The following ZNG1E variants were observed in gnomAD, a reference collection of about 807,000 sequenced individuals.
ZNG1E encodes the protein zinc-regulated GTPase metalloprotein activator 1E.
the ZNG1E span, among the ~76,000 whole-genome samples, chr9:65,714,512 T>A: frequency 6.6e-6 from 1 of 151,626 alleles, no homozygotes; most frequent in Non-Finnish European, 1.5e-5. Context: ...ATCTTTGCAG[T>A]TTTCATCTAC....
the ZNG1E span, among the ~76,000 whole-genome samples, chr9:65,680,546 T>G: frequency 2.0e-5 from 3 of 152,168 alleles, no homozygotes; most frequent in Admixed American, 1.3e-4. Flanking sequence ...TGTAGCAACC[T>G]CTTTAGAAGC....
At chr9:65,666,809 A>T in the ZNG1E span, among the ~76,000 whole-genome samples, 1 of 151,654 alleles carries the variant, frequency 6.6e-6, no homozygotes, top group African/African-American at 2.4e-5. Flanking sequence ...GCTTACTAAC[A>T]GTTTCTTTTT....
At chr9:65,727,769 T>TA in the ZNG1E span, among the ~76,000 whole-genome samples, 1 of 102,102 alleles carries the variant, frequency 9.8e-6, no homozygotes, top group Non-Finnish European at 1.9e-5. Context: ...CTAATAGACC[T>TA]AAAAAATTAG....
At chr9:65,662,909 GA>G in the ZNG1E span, among the ~76,000 whole-genome samples, 1 of 151,980 alleles carries the variant, frequency 6.6e-6, no homozygotes, top group Admixed American at 6.6e-5. Context: ...GATGTTATTT[GA>G]TGCAAACGTT....
At chr9:65,683,891 A>C in the ZNG1E span, among the ~76,000 whole-genome samples, 1 of 152,290 alleles carries the variant, frequency 6.6e-6, no homozygotes, top group East Asian at 1.9e-4. Flanking sequence ...GTTAAATATT[A>C]TTTGAATCTG....
At chr9:65,721,550 T>A in the ZNG1E span, among the ~76,000 whole-genome samples, 1 of 150,288 alleles carries the variant, frequency 6.7e-6, no homozygotes, top group South Asian at 2.1e-4. Context: ...CATCAACATT[T>A]AGCTGATTTT....
the ZNG1E span, among the ~76,000 whole-genome samples, chr9:65,684,744 C>T: frequency 1.3e-5 from 2 of 152,288 alleles, no homozygotes; most frequent in East Asian, 3.9e-4. Context: ...GGGGGTCAAG[C>T]AAGCTGTTTT....
At chr9:65,701,001 TC>T in the ZNG1E span, 1 of 128,350 alleles carries the variant, frequency 7.8e-6, no homozygotes, top group Non-Finnish European at 1.6e-5. Context: ...TGCTGACTGT[TC>T]TGGAGACTCC....
At chr9:65,659,287 G>C in the ZNG1E span, among the ~76,000 whole-genome samples, 2 of 151,148 alleles carry the variant, frequency 1.3e-5, no homozygotes, top group Admixed American at 6.6e-5. Flanking sequence ...ACCAGGTCAG[G>C]TGTTCAAGAC....
At chr9:65,684,469 G>A in the ZNG1E span, among the ~76,000 whole-genome samples, 33 of 152,314 alleles carry the variant, frequency 2.2e-4, no homozygotes, top group East Asian at 3.9e-4. Flanking sequence ...GCTGGGAGGC[G>A]GAGGTTGCGG....
chr9:65,711,204 G>T, the ZNG1E span, among the ~76,000 whole-genome samples: 1 of 100,372 alleles, frequency 1.0e-5, no homozygotes, highest in African/African-American at 4.0e-5. Flanking sequence ...CATTGATTTT[G>T]TATCCTGAGA....
At chr9:65,659,160 G>T in the ZNG1E span, among the ~76,000 whole-genome samples, 1 of 152,194 alleles carries the variant, frequency 6.6e-6, no homozygotes, top group African/African-American at 2.4e-5. Flanking sequence ...AGCAATTTGG[G>T]AGACTGGAAG....
the ZNG1E span, among the ~76,000 whole-genome samples, chr9:65,680,938 G>A: frequency 1.5e-3 from 234 of 152,206 alleles, no homozygotes; most frequent in African/African-American, 5.3e-3. Flanking sequence ...ACAGGTGCCC[G>A]CTACCACACC....
the ZNG1E span, among the ~76,000 whole-genome samples, chr9:65,709,359 A>AT: frequency 1.3e-5 from 2 of 150,136 alleles, no homozygotes; most frequent in Non-Finnish European, 2.9e-5. Context: ...TTATTTATTT[A>AT]TTATTATTAT....
the ZNG1E span, among the ~76,000 whole-genome samples, chr9:65,714,621 A>C: frequency 1.3e-5 from 2 of 152,104 alleles, no homozygotes; most frequent in East Asian, 3.8e-4. Context: ...CTTCAGCTGC[A>C]GGTCTGTTGG....
chr9:65,666,924 G>T, the ZNG1E span, among the ~76,000 whole-genome samples: 13 of 152,332 alleles, frequency 8.5e-5, no homozygotes, highest in South Asian at 2.5e-3. Context: ...AGGTTCAAGC[G>T]ATTCTCCTGC....
the ZNG1E span, among the ~76,000 whole-genome samples, chr9:65,662,918 G>T: frequency 6.9e-6 from 1 of 145,486 alleles, no homozygotes. Flanking sequence ...TGATGCAAAC[G>T]TTGGAAAGAC....
At chr9:65,704,926 A>AAAC in the ZNG1E span, 2 of 134,846 alleles carry the variant, frequency 1.5e-5, no homozygotes, top group East Asian at 2.0e-4. Context: ...AAAAAAAAAA[A>AAAC]CAAACAAAAA....
chr9:65,673,974 T>G, the ZNG1E span, among the ~76,000 whole-genome samples: 1 of 152,286 alleles, frequency 6.6e-6, no homozygotes, highest in Non-Finnish European at 1.5e-5. Flanking sequence ...GTGATGACTG[T>G]GGGTGCAATG....
Sources: allele counts gnomAD v4.1 joint callset (sites outside exome capture counted in the v4.1 genomes callset), GRCh38; gene constraint gnomAD v4.1.1; transcripts MANE v1.5; gene names NCBI Gene and HGNC (gene_info 2026-07-23, HGNC 2026-07-21).